The following HYOU1 variants were observed in gnomAD, a reference collection of about 807,000 sequenced individuals.
HYOU1 encodes hypoxia up-regulated 1, also known as hypoxia up-regulated protein 1.
A neutral mutation model predicts 120.5 loss-of-function variants in HYOU1; 40 were observed. The observed-to-expected ratio is 0.33, with a 90% CI of 0.26 to 0.43. HYOU1 has a LOEUF of 0.43. Ranked by LOEUF, HYOU1 falls within the 20% of genes least tolerant of loss-of-function variation. HYOU1 has a pLI of 1.00. For synonymous variants in HYOU1, 501 were observed against 479.4 expected (o/e 1.05, Z -0.59); for missense variants, 1,085 against 1,278.3 (o/e 0.85, Z 2.31).
rs2133599262 is a variant in HYOU1, at chr11:119,053,422, G to A, written c.795-593C>T. 3 of 152,990 alleles carry A rather than the reference G, an allele frequency of 2.0e-5. No homozygotes were observed. The East Asian group carries it at 5.8e-4, about 29-fold the overall frequency. 9.5% of individuals were successfully genotyped at this position (152,990 alleles called of 1,614,324 possible). On this transcript the variant is annotated intron_variant, in intron 8 of 25. Coordinates refer to ENST00000617285, the MANE Select transcript of HYOU1 (RefSeq NM_006389.5). The stretch of plus-strand genomic sequence containing the variant: ...AGAGTGCATGGCAAGTTCCGGAGGA[G>A]GGCAAGCATCACTGGGGCTCAAAAA...
At chr11:119,056,190 A>C (rs1944747552) in intron 1 of HYOU1, 23 bp from the exon 2 acceptor site, 1 of 1,533,078 alleles carries the variant, frequency 6.5e-7, no homozygotes, top group African/African-American at 1.4e-5. Flanking sequence ...AAGAAAGAAA[A>C]CACTTAAAAC....
chr11:119,046,624 C>T lies in HYOU1; in HGVS notation c.2774G>A (p.Arg925Gln), dbSNP rs2133551663. 2.1e-5 allele frequency: 34 copies of T among 1,614,064 alleles called. No homozygotes were observed. The highest frequency in any genetic ancestry group is 2.7e-5 in the Non-Finnish European group (32 of 1,180,026). The change falls in exon 23 of 26, where the codon CGG becomes CAG. Residue 925 changes from arginine to glutamine, a missense_variant. Arg to Gln is a conservative substitution (Grantham distance 43, BLOSUM62 1). Around this residue, in one of 4 missense-constraint regions of HYOU1, gnomAD observed 516 missense variants for 517.1 expected, o/e 1.00. Coordinates refer to ENST00000617285, the MANE Select transcript of HYOU1 (RefSeq NM_006389.5). ...ACTGGCATTGAGGGGTGGCTCTGCC[C>T]GGGTCCCATTCTTGTCCTTAGGCCG... ...RPRPKDKNGTRAEPPLNASAS... is the reference protein window; with the variant it reads ...RPRPKDKNGTQAEPPLNASAS...
At chr11:119,050,928 A>G (rs1426098948) in intron 14 of HYOU1, 107 bp downstream of exon 14, 13 of 1,348,660 alleles carry the variant, frequency 9.6e-6, no homozygotes, top group Non-Finnish European at 1.3e-5. Context: ...TCTGATTCCT[A>G]AACCTTTTTT....
At position 119,052,211 on chromosome 11, in the gene HYOU1, T is replaced by C. The variant is rs2133591231; in HGVS notation, c.1123-39A>G. The C allele has an allele frequency of 8.1e-6, 13 of 1,613,572 alleles. No individual in the cohort carries two copies. The highest frequency in any genetic ancestry group is 1.1e-5 in the South Asian group (1 of 91,076). Reference sequence around the variant, plus strand: ...GAATGACAGGTGCAACAGCATGCAGTTAGCACTGACTCGTCCCTTGACGTC... The same window carrying C: ...GAATGACAGGTGCAACAGCATGCAGCTAGCACTGACTCGTCCCTTGACGTC... On this transcript the variant is annotated intron_variant, in intron 10 of 25. Transcript: ENST00000617285. The surrounding 1 kb of genome is among the most constrained non-coding windows in gnomAD (Gnocchi z 5.0).
intron 22 of HYOU1, 91 bp downstream of exon 22, chr11:119,047,643 G>T: frequency 9.5e-7 from 1 of 1,049,232 alleles, no homozygotes; most frequent in Non-Finnish European, 1.5e-6. Flanking sequence ...AAGCCAGGAG[G>T]CAGGGGCTGC....
rs2133584271 is a variant in HYOU1 at position 119,051,342 on chromosome 11, G to A, written c.1526+96C>T. 62 of 1,494,476 alleles carry A rather than the reference G, an allele frequency of 4.1e-5. No individual in the cohort carries two copies. In the East Asian group the frequency reaches 9.3e-4, roughly 22 times the overall value. The allele number at this position is 1,494,476 out of a possible 1,614,324, so 92.6% of individuals were successfully genotyped here. On this transcript the variant is annotated intron_variant, in intron 13 of 25. Coordinates refer to ENST00000617285, the MANE Select transcript of HYOU1 (RefSeq NM_006389.5). The surrounding 1 kb of genome is among the most constrained non-coding windows in gnomAD (Gnocchi z 4.2). Reference sequence around the variant, plus strand: ...ATCATAGCTGCCCTGTTTCAGCCCCGCAGGCCCACATCCTCCCTCACCCCC... The same window carrying A: ...ATCATAGCTGCCCTGTTTCAGCCCCACAGGCCCACATCCTCCCTCACCCCC...
intron 22 of HYOU1, 112 bp from the exon 23 acceptor site, chr11:119,046,914 G>T: frequency 1.5e-6 from 2 of 1,371,904 alleles, no homozygotes; most frequent in Non-Finnish European, 9.9e-7. Context: ...GCAAATCACT[G>T]CCACCCCTGG....
rs782542366 is a variant in HYOU1 at position 119,048,811 on chromosome 11, C to A, written c.2068G>T (p.Ala690Ser). 6 of 1,614,100 alleles carry A rather than the reference C, an allele frequency of 3.7e-6. No individual in the cohort carries two copies. Among genetic ancestry groups the A allele is most frequent in the Non-Finnish European group, 5.1e-6 (6 of 1,179,994 alleles). The change falls in exon 18 of 26, where the codon GCC (alanine) becomes TCC (serine). Residue 690 changes from alanine to serine, a missense_variant. This residue lies in a region of HYOU1 where 516 missense variants were observed against 517.1 expected (regional missense o/e 1.00). Transcript: ENST00000617285. The surrounding 1 kb of genome is among the most constrained non-coding windows in gnomAD (Gnocchi z 4.7). ...APEGEKKQKP[A>S]RKRRMVEEIG... ...TCCTCTACCATTCGCCGCTTCCTGG[C>A]GGGCTTCTGCTTCTTCTCTCCCTCT... is the stretch of plus-strand genomic sequence containing the variant.
chr11:119,048,190 C>T lies in HYOU1; in HGVS notation c.2376+58G>A. 1 of 1,607,258 alleles carries T rather than the reference C, an allele frequency of 6.2e-7. No homozygotes were observed. Among genetic ancestry groups the T allele is most frequent in the South Asian group, 1.1e-5 (1 of 90,734 alleles). ...AGCCCCAGCTCTTCTCTCTCTCTGA[C>T]CCTGGGAGAGGAAGGAGAGCTCCCA... On this transcript the variant is annotated intron_variant, in intron 20 of 25. Transcript: ENST00000617285. This position sits in a 1 kb window ranked among gnomAD's most constrained non-coding sequence, Gnocchi z 4.7.
chr11:119,045,039 A>G lies in HYOU1; in HGVS notation c.*554T>C, dbSNP rs547558520. The G allele has an allele frequency of 1.6e-5, 7 of 433,370 alleles. No individual in the cohort carries two copies. In the East Asian group the frequency reaches 5.1e-4, roughly 32 times the overall value. 26.8% of individuals were successfully genotyped at this position (433,370 alleles called of 1,614,324 possible). A position where few individuals can be genotyped will look rare whatever the true frequency, so the allele number is the denominator to read the frequency against. On this transcript the variant is annotated 3_prime_UTR_variant, in exon 26 of 26. Transcript: ENST00000617285. ...AGCCAAGGAAACCCAGGGGGAAAGG[A>G]GCTGGATGGGAATGGGGAAGGGAGG... is the stretch of plus-strand genomic sequence containing the variant.
chr11:119,052,345 G>A lies in HYOU1; in HGVS notation c.1072C>T (p.Arg358Trp), dbSNP rs1469631301. 34 of 1,614,032 alleles carry A rather than the reference G, an allele frequency of 2.1e-5. No homozygotes were observed. In the Admixed American group the frequency reaches 5.3e-4, roughly 25 times the overall value. ...FEELCADLFE[R>W]VPGPVQQALQ... is the part of the protein sequence containing the mutation. ...GCCTGCTGTACAGGCCCAGGCACCC[G>A]CTCAAACAAGTCTGCACACAACTCC... The change falls in exon 10 of 26, where the codon CGG (arginine) becomes TGG (tryptophan). Residue 358 changes from arginine (R) to tryptophan (W), a missense_variant. Arg to Trp is a moderately radical substitution (Grantham distance 101). Transcript: ENST00000617285. The surrounding 1 kb of genome is among the most constrained non-coding windows in gnomAD (Gnocchi z 5.0).
chr11:119,050,081 CT>C (rs1217108157), intron 14 of HYOU1, among the ~76,000 whole-genome samples: 1 of 152,188 alleles, frequency 6.6e-6, no homozygotes, highest in Non-Finnish European at 1.5e-5. Context: ...ACTGTATTGG[CT>C]ATTACATCCA....
chr11:119,045,876 A>G (rs897809469), intron 24 of HYOU1, 45 bp from the exon 25 acceptor site: 1 of 1,596,866 alleles, frequency 6.3e-7, no homozygotes, highest in Non-Finnish European at 8.5e-7. Context: ...AGGGAGGAAG[A>G]GGCTAAGGGA....
Position 119,044,904 on chromosome 11 carries a change from G to A in HYOU1, c.*689C>T. ...CTTCACTGTGCCCCTCCCTCCTCTG[G>A]CCACTAGGGGTGGGAAATACGAGTG... On this transcript the variant is annotated 3_prime_UTR_variant, in exon 26 of 26. Transcript: ENST00000617285. The A allele has an allele frequency of 3.2e-6, 1 of 316,116 alleles. No homozygotes were observed. The highest frequency in any genetic ancestry group is 2.5e-5 in the South Asian group (1 of 39,696). 19.6% of individuals were successfully genotyped at this position (316,116 alleles called of 1,614,324 possible).
In HYOU1 at chr11:119,052,979, C is replaced by T. The variant is rs1273608878; in HGVS notation, c.795-150G>A. The stretch of plus-strand genomic sequence containing the variant: ...CCCCATGTGTGGACACACACTCTGC[C>T]CTCAACTCTCTACAGCACAGCTGAC... On this transcript the variant is annotated intron_variant, in intron 8 of 25. Coordinates refer to ENST00000617285, the MANE Select transcript of HYOU1 (RefSeq NM_006389.5). This position sits in a 1 kb window ranked among gnomAD's most constrained non-coding sequence, Gnocchi z 5.0. The T allele has an allele frequency of 1.5e-6, 1 of 679,644 alleles. No individual in the cohort carries two copies. Among genetic ancestry groups the T allele is most frequent in the Admixed American group, 3.0e-5 (1 of 33,632 alleles). 42.1% of individuals were successfully genotyped at this position (679,644 alleles called of 1,614,324 possible).
rs201660855 is a variant in HYOU1, at chr11:119,052,306, C to T, written c.1111G>A (p.Glu371Lys). 1.9e-5 allele frequency: 31 copies of T among 1,614,226 alleles called. No homozygotes were observed. The African/African-American group carries it at 2.4e-4, about 12-fold the overall frequency. The stretch of plus-strand genomic sequence containing the variant: ...CCCTACTCGCTCACCAGACTCATTT[C>T]GGCACTCTGGAGGGCCTGCTGTACA... The part of the protein sequence containing the change: ...GPVQQALQSA[E>K]MSLDEIEQVI... The change falls in exon 10 of 26, where the codon GAA (glutamate) becomes AAA (lysine). Residue 371 changes from glutamate (E) to lysine (K), a missense_variant. Coordinates refer to ENST00000617285, the MANE Select transcript of HYOU1 (RefSeq NM_006389.5). The surrounding 1 kb of genome is among the most constrained non-coding windows in gnomAD (Gnocchi z 5.0).
At chr11:119,054,944 TG>T (rs1328033813) in intron 6 of HYOU1, 39 bp downstream of exon 6, 1 of 1,589,190 alleles carries the variant, frequency 6.3e-7, no homozygotes, top group Non-Finnish European at 8.6e-7. Flanking sequence ...CCCTAGATCC[TG>T]GGGAGCCTGG....
Position 119,055,036 on chromosome 11 carries a change from T to C in HYOU1, c.444A>G (p.Glu148=). ...AATAATTGAGAACCATGCCCAACAC[T>C]TCCTCAGGTGAGAACTGCAGCTGCC... ...ISSQLQFSPE[E]VLGMVLNYSR... is the part of the protein sequence containing the mutation. Residue 148 remains glutamate, a synonymous_variant, in exon 6 of 26, where the codon GAA becomes GAG. Transcript: ENST00000617285. This position sits in a 1 kb window ranked among gnomAD's most constrained non-coding sequence, Gnocchi z 4.0. 6.2e-7 allele frequency: 1 copy of C among 1,614,068 alleles called. No homozygotes were observed. Among genetic ancestry groups the C allele is most frequent in the Non-Finnish European group, 8.5e-7 (1 of 1,180,004 alleles).
In HYOU1 at chr11:119,047,559, G is replaced by T. The variant is rs151204513; in HGVS notation, c.2595+175C>A. ...GCTCCTCCAGGCTGATGACTCTTAT[G>T]GCCATGGCCCTTGCTTGGGACTAAT... is the stretch of plus-strand genomic sequence containing the variant. On this transcript the variant is annotated intron_variant, in intron 22 of 25. Transcript: ENST00000617285. 5.5e-4 allele frequency: 331 copies of T among 604,888 alleles called. 5 individuals carry two copies. In the East Asian group the frequency reaches 8.4e-3, roughly 15 times the overall value. 37.5% of individuals were successfully genotyped at this position (604,888 alleles called of 1,614,324 possible). A position where few individuals can be genotyped will look rare whatever the true frequency, so the allele number is the denominator to read the frequency against.
Sources: allele counts gnomAD v4.1 joint callset (sites outside exome capture counted in the v4.1 genomes callset), GRCh38; gene constraint gnomAD v4.1.1; regional missense constraint gnomAD v4.1.1; non-coding constraint Gnocchi (gnomAD v3.1); transcripts MANE v1.5; gene names NCBI Gene and HGNC (gene_info 2026-07-23, HGNC 2026-07-21).